Variants in SLC45A4 observed in about 807,000 individuals in gnomAD.
The protein encoded by SLC45A4 is polyamine-transporter SLC45A4.
A neutral mutation model predicts 63.7 loss-of-function variants in SLC45A4; 32 were observed. The observed-to-expected ratio is 0.50, with a 90% confidence interval of 0.38 to 0.67. The LOEUF (loss-of-function observed/expected upper bound fraction) is 0.67. SLC45A4 is among the 30% of genes least tolerant of loss of function. The pLI, the probability that SLC45A4 is intolerant of heterozygous loss-of-function variation, is 0.00. For missense variants in SLC45A4, 1,027 were observed against 1,157.7 expected, an observed-to-expected ratio of 0.89 and a Z score of 1.64; for synonymous variants, 535 against 510.0, an observed-to-expected ratio of 1.05 and a Z score of -0.66.
chr8:141,304,712 C>G (rs143772403), intron 1 of SLC45A4, among the ~76,000 whole-genome samples: 327 of 152,202 alleles, frequency 2.1e-3, no homozygotes, highest in African/African-American at 7.3e-3. Context: ...CAGTCGCACT[C>G]AACAAATGAC....
intron 1 of SLC45A4, among the ~76,000 whole-genome samples, chr8:141,293,566 T>C (rs1348801546): frequency 6.6e-6 from 1 of 152,256 alleles, no homozygotes; most frequent in Non-Finnish European, 1.5e-5. Flanking sequence ...TGAGCTTAGC[T>C]TAGAGTGTTG....
intron 1 of SLC45A4, among the ~76,000 whole-genome samples, chr8:141,305,941 C>T (rs929760184): frequency 1.3e-5 from 2 of 151,940 alleles, no homozygotes; most frequent in Non-Finnish European, 2.9e-5. Context: ...TGCAGATCTG[C>T]GGGGCGGGCT....
intron 2 of SLC45A4, chr8:141,224,448 T>C (rs1418184785): frequency 3.9e-5 from 5 of 129,700 alleles, no homozygotes; most frequent in Admixed American, 7.7e-5. Flanking sequence ...GCTGTGAGTT[T>C]TTTGGTTTTG....
At position 141,278,412 on chromosome 8, in the gene SLC45A4, G is replaced by A. The variant is rs960820543; in HGVS notation, c.-400-23783C>T. On this transcript the variant is annotated intron_variant, in intron 1 of 8. Transcript: ENST00000517878. This position sits in a 1 kb window ranked among gnomAD's most constrained non-coding sequence, Gnocchi z 4.1. ...GGGTGAGCACCTGCGGTGGAAGCGG[G>A]GCGGGCGGCCGACCCACGAGGACAC... The A allele has an allele frequency of 2.6e-5, 4 of 151,262 alleles. No individual in the cohort carries two copies. Among genetic ancestry groups the A allele is most frequent in the Admixed American group, 2.0e-4 (3 of 15,222 alleles). The allele number at this position is 151,262 out of a possible 1,614,324, so 9.4% of individuals were successfully genotyped here.
chr8:141,271,952 C>T (rs754529076), intron 1 of SLC45A4, among the ~76,000 whole-genome samples: 3 of 152,110 alleles, frequency 2.0e-5, no homozygotes, highest in African/African-American at 2.4e-5. Flanking sequence ...CACATGCACT[C>T]ACACGTGTGC....
rs1388593774 is a variant in SLC45A4, at chr8:141,256,519, G to A, written c.-400-1890C>T. On this transcript the variant is annotated intron_variant, in intron 1 of 8. Coordinates refer to ENST00000517878, the MANE Select transcript of SLC45A4 (RefSeq NM_001286646.2). The surrounding 1 kb of genome is among the most constrained non-coding windows in gnomAD (Gnocchi z 4.3). ...CCCTGATGGAGAAGGTGGGTCCCTG[G>A]CACGTGGGCCCCAGGAGGGAGAAGA... The A allele has an allele frequency of 4.4e-6, 2 of 456,062 alleles. No individual in the cohort carries two copies. The highest frequency in any genetic ancestry group is 8.8e-6 in the Non-Finnish European group (2 of 226,928). The allele number at this position is 456,062 out of a possible 1,614,324, so 28.3% of individuals were successfully genotyped here.
At chr8:141,267,622 C>G (rs73366440) in intron 1 of SLC45A4, among the ~76,000 whole-genome samples, 5,898 of 152,206 alleles carry the variant, frequency 0.039, 379 homozygotes, top group African/African-American at 0.13. Flanking sequence ...AGAACAAGAG[C>G]CAATAAATGA....
chr8:141,299,145 C>T (rs377714330), intron 1 of SLC45A4, among the ~76,000 whole-genome samples: 2 of 152,258 alleles, frequency 1.3e-5, no homozygotes, highest in African/African-American at 4.8e-5. Flanking sequence ...CCCTGGTTAC[C>T]ACACGGAAGC....
chr8:141,214,721 C>T (rs1826034056), intron 7 of SLC45A4, among the ~76,000 whole-genome samples: 3 of 152,046 alleles, frequency 2.0e-5, no homozygotes, highest in Admixed American at 6.6e-5. Context: ...GACATTTGTG[C>T]AAGAATAGAG....
intron 2 of SLC45A4, among the ~76,000 whole-genome samples, chr8:141,237,522 C>G (rs1351982597): frequency 2.0e-5 from 3 of 152,180 alleles, no homozygotes; most frequent in Non-Finnish European, 4.4e-5. Context: ...CCCCTGTACT[C>G]CATGCTTACC....
chr8:141,272,968 C>G (rs1829596885), intron 1 of SLC45A4, among the ~76,000 whole-genome samples: 1 of 152,100 alleles, frequency 6.6e-6, no homozygotes, highest in South Asian at 2.1e-4. Context: ...AATAAGACAC[C>G]TTTTTAAACA....
At chr8:141,305,643 C>G (rs929704845) in intron 1 of SLC45A4, among the ~76,000 whole-genome samples, 69 of 152,338 alleles carry the variant, frequency 4.5e-4, no homozygotes, top group African/African-American at 1.6e-3. Flanking sequence ...CACCCTCACT[C>G]GGTGCCAGGC....
intron 2 of SLC45A4, among the ~76,000 whole-genome samples, chr8:141,241,096 G>T (rs1200549661): frequency 2.0e-5 from 3 of 152,238 alleles, no homozygotes; most frequent in African/African-American, 7.2e-5. Context: ...TCAGCCTGGG[G>T]CTAAGAATGT....
chr8:141,264,282 T>C (rs1829169029), intron 1 of SLC45A4, among the ~76,000 whole-genome samples: 1 of 152,156 alleles, frequency 6.6e-6, no homozygotes, highest in Admixed American at 6.5e-5. Context: ...TGTTGCAGTA[T>C]GATTGATCTG....
rs146370983 is a variant in SLC45A4, at chr8:141,287,792, G to A, written c.-401+20304C>T. ...TAGAATCTCCAGCATCTGCAGACGG[G>A]CCTCAGTGGGGCGGTGAGGAGACGG... On this transcript the variant is annotated intron_variant, in intron 1 of 8. Coordinates refer to ENST00000517878, the MANE Select transcript of SLC45A4 (RefSeq NM_001286646.2). Among the ~76,000 whole-genome samples, 1,433 of 152,308 alleles carry A rather than the reference G, an allele frequency of 9.4e-3. 24 individuals carry two copies. The highest frequency in any genetic ancestry group is 0.033 in the African/African-American group (1,364 of 41,556).
intron 1 of SLC45A4, among the ~76,000 whole-genome samples, chr8:141,266,106 G>A (rs1829253954): frequency 6.6e-6 from 1 of 152,150 alleles, no homozygotes; most frequent in South Asian, 2.1e-4. Context: ...CAGATCTACA[G>A]CACAGTCCCA....
intron 2 of SLC45A4, among the ~76,000 whole-genome samples, chr8:141,232,651 G>T (rs146379501): frequency 6.7e-6 from 1 of 150,240 alleles, no homozygotes; most frequent in Non-Finnish European, 1.5e-5. Flanking sequence ...AAGCTGCAAC[G>T]GGAACACAGA....
intron 1 of SLC45A4, among the ~76,000 whole-genome samples, chr8:141,262,203 T>G (rs1453479000): frequency 4.6e-5 from 7 of 150,948 alleles, no homozygotes; most frequent in Admixed American, 2.6e-4. Flanking sequence ...TTACACCTTA[T>G]ACAAAAATTA....
At position 141,250,802 on chromosome 8, in the gene SLC45A4, C is replaced by T. The variant is rs36050442; in HGVS notation, c.241+3187G>A. Among the ~76,000 whole-genome samples the T allele has an allele frequency of 6.8e-3, 1,041 of 152,234 alleles. 10 individuals are homozygous for T. Among genetic ancestry groups the T allele is most frequent in the Middle Eastern group, 0.014 (4 of 294 alleles). On this transcript the variant is annotated intron_variant, in intron 2 of 8. Transcript: ENST00000517878. ...TCAACGATGGGTTTACTGGGACATA[C>T]CCCCGTTGCAAGTTGAGGAGCATCT...
Sources: allele counts gnomAD v4.1 joint callset (sites outside exome capture counted in the v4.1 genomes callset), GRCh38; gene constraint gnomAD v4.1.1; non-coding constraint Gnocchi (gnomAD v3.1); transcripts MANE v1.5; gene names NCBI Gene and HGNC (gene_info 2026-07-23, HGNC 2026-07-21).